EVX2: variants seen among roughly 807,000 people sequenced by gnomAD.
EVX2 encodes even-skipped homeobox 2, also known as homeobox even-skipped homolog protein 2.
Under a neutral mutation model 19.2 loss-of-function variants are expected in EVX2, and 10 were observed. The ratio of observed to expected loss-of-function variants is 0.52; its 90% CI spans 0.32 to 0.89. The LOEUF (loss-of-function observed/expected upper bound fraction) is 0.89. Ranked by LOEUF, EVX2 falls within the 40% of genes least tolerant of loss-of-function variation. EVX2 has a pLI of 0.03. For missense variants in EVX2, 710 were observed against 694.9 expected (o/e 1.02, Z -0.24); for synonymous variants, 354 against 328.4 (o/e 1.08, Z -0.84).
rs925697528 is a variant in EVX2 at position 176,078,942 on chromosome 2, G to C, written c.*1165C>G. 2 of 152,204 alleles carry C rather than the reference G, an allele frequency of 1.3e-5. No individual in the cohort carries two copies. Among genetic ancestry groups the C allele is most frequent in the East Asian group, 3.9e-4 (2 of 5,184 alleles). The allele number at this position is 152,204 out of a possible 1,614,324, so 9.4% of individuals were successfully genotyped here. A position where few individuals can be genotyped will look rare whatever the true frequency, so the allele number is the denominator to read the frequency against. Reference sequence around the variant, plus strand: ...CCTCCAGTAGCCGGGTTGGCAGAGCGGGTCTCAGCAACCCAGCGGTGGCTT... The same window carrying C: ...CCTCCAGTAGCCGGGTTGGCAGAGCCGGTCTCAGCAACCCAGCGGTGGCTT... On this transcript the variant is annotated 3_prime_UTR_variant, in exon 3 of 3. Coordinates refer to ENST00000308618, the MANE Select transcript of EVX2 (RefSeq NM_001080458.2).
In EVX2 at chr2:176,078,846, TA is replaced by T. The variant is rs1016074330; in HGVS notation, c.*1260del. ...ATTTTCGTCATAATCTGCACATTAT[TA>T]GCATCAAACTTGACGTGGCAGTTAA... On this transcript the variant is annotated 3_prime_UTR_variant, in exon 3 of 3. Coordinates refer to ENST00000308618, the MANE Select transcript of EVX2 (RefSeq NM_001080458.2). 2.0e-5 allele frequency: 3 copies of T among 152,186 alleles called. No homozygotes were observed. Among genetic ancestry groups the T allele is most frequent in the Non-Finnish European group, 4.4e-5 (3 of 68,030 alleles). The allele number at this position is 152,186 out of a possible 1,614,324, so 9.4% of individuals were successfully genotyped here.
chr2:176,080,180 T>C lies in EVX2; in HGVS notation c.1358A>G (p.Tyr453Cys), dbSNP rs1373955894. ...CGTCTTACTAAGCACCGCGGCCGAG[T>C]AGGGCAGGAAGCCGCTCTCGGAACG... ...APRSESGFLP[Y>C]SAAVLSKTAV... is the part of the protein sequence containing the mutation. The change falls in exon 3 of 3, where the codon TAC (tyrosine) becomes TGC (cysteine). Residue 453 changes from tyrosine to cysteine, a missense_variant. Coordinates refer to ENST00000308618, the MANE Select transcript of EVX2 (RefSeq NM_001080458.2). The surrounding 1 kb of genome is among the most constrained non-coding windows in gnomAD (Gnocchi z 7.0). 3.3e-6 allele frequency: 5 copies of C among 1,515,074 alleles called. No homozygotes were observed. The East Asian group carries it at 8.3e-5, about 25-fold the overall frequency. The allele number at this position is 1,515,074 out of a possible 1,614,324, so 93.9% of individuals were successfully genotyped here.
In EVX2 at chr2:176,079,874, G is replaced by A. The variant is rs1223777336; in HGVS notation, c.*233C>T. 1.5e-5 allele frequency: 6 copies of A among 400,986 alleles called. No homozygotes were observed. The highest frequency in any genetic ancestry group is 1.4e-4 in the Admixed American group (3 of 21,360). The allele number at this position is 400,986 out of a possible 1,614,324, so 24.8% of individuals were successfully genotyped here. On this transcript the variant is annotated 3_prime_UTR_variant, in exon 3 of 3. Coordinates refer to ENST00000308618, the MANE Select transcript of EVX2 (RefSeq NM_001080458.2). The surrounding 1 kb of genome is among the most constrained non-coding windows in gnomAD (Gnocchi z 4.4). ...CCAGAAAAGAGAGAGAAGGGCAGAC[G>A]GCTGGGTGGCAAATACAAAAATAGA...
chr2:176,083,393 G>C lies in EVX2; in HGVS notation c.384C>G (p.Pro128=), dbSNP rs992807810. The change falls in exon 1 of 3, where the codon CCC becomes CCG. Residue 128 remains proline (P), a synonymous_variant. Coordinates refer to ENST00000308618, the MANE Select transcript of EVX2 (RefSeq NM_001080458.2). This position sits in a 1 kb window ranked among gnomAD's most constrained non-coding sequence, Gnocchi z 4.4. ...TAAGCTGAGCGGCGCCGAGGCCCCC[G>C]GGGGAGCGAAGCGCGGAGCAGCCCA... ...VEVGCSALRS[P]GGLGAAQLKE... 4 of 1,611,362 alleles carry C rather than the reference G, an allele frequency of 2.5e-6. No individual in the cohort carries two copies. In the African/African-American group the frequency reaches 5.3e-5, roughly 22 times the overall value.
chr2:176,080,819 C>T lies in EVX2; in HGVS notation c.719G>A (p.Arg240His). ...CAGGCGCTGCCGCTTGTCCTTCATG[C>T]GCCGGTTCTGGAACCACACCTGCGG... ...TTIKVWFQNR[R>H]MKDKRQRLAM... The change falls in exon 3 of 3, where the codon CGC (arginine) becomes CAC (histidine). Residue 240 changes from arginine (R) to histidine (H), a missense_variant. Physicochemically the swap from Arg to His is conservative, Grantham distance 29. Transcript: ENST00000308618. This position sits in a 1 kb window ranked among gnomAD's most constrained non-coding sequence, Gnocchi z 7.0. The T allele has an allele frequency of 1.2e-6, 2 of 1,611,812 alleles. No individual in the cohort carries two copies. The highest frequency in any genetic ancestry group is 1.8e-4 in the Middle Eastern group (1 of 5,624).
chr2:176,083,902 G>A lies in EVX2; in HGVS notation c.-126C>T. 2 of 868,328 alleles carry A rather than the reference G, an allele frequency of 2.3e-6. No individual in the cohort carries two copies. The highest frequency in any genetic ancestry group is 3.5e-5 in the South Asian group (2 of 57,024). The allele number at this position is 868,328 out of a possible 1,614,324, so 53.8% of individuals were successfully genotyped here. On this transcript the variant is annotated 5_prime_UTR_variant, in exon 1 of 3. Transcript: ENST00000308618. The surrounding 1 kb of genome is among the most constrained non-coding windows in gnomAD (Gnocchi z 4.4). ...ATATTATTATCGCTTTCGGAGGGAG[G>A]CGGAAAAATTGTGGGATGCCAGAGC...
At position 176,082,650 on chromosome 2, in the gene EVX2, A is replaced by G. The variant is rs1689165719; in HGVS notation, c.428-201T>C. ...CTTCATAAGCAAATAATAGAAACGGAATTAGGAGATTTCTTTTTTAATAAT... is the reference window on the plus strand; with the variant it reads ...CTTCATAAGCAAATAATAGAAACGGGATTAGGAGATTTCTTTTTTAATAAT... On this transcript the variant is annotated intron_variant, in intron 1 of 2. Transcript: ENST00000308618. This position sits in a 1 kb window ranked among gnomAD's most constrained non-coding sequence, Gnocchi z 5.2. Among the ~76,000 whole-genome samples the G allele has an allele frequency of 6.6e-6, 1 of 152,276 alleles. No individual in the cohort carries two copies. The highest frequency in any genetic ancestry group is 2.4e-5 in the African/African-American group (1 of 41,560).
Position 176,080,188 on chromosome 2 carries a change from G to A in EVX2, c.1350C>T (p.Phe450=). ...TAAGCACCGCGGCCGAGTAGGGCAG[G>A]AAGCCGCTCTCGGAACGCGGCGCCG... ...SAAAPRSESG[F]LPYSAAVLSK... Residue 450 remains phenylalanine (F), a synonymous_variant, in exon 3 of 3, where the codon TTC becomes TTT. Transcript: ENST00000308618. This position sits in a 1 kb window ranked among gnomAD's most constrained non-coding sequence, Gnocchi z 7.0. 6.7e-7 allele frequency: 1 copy of A among 1,494,482 alleles called. No individual in the cohort carries two copies. The highest frequency in any genetic ancestry group is 1.3e-5 in the South Asian group (1 of 79,038). 92.6% of individuals were successfully genotyped at this position (1,494,482 alleles called of 1,614,324 possible).
chr2:176,080,008 GGCA>G lies in EVX2; in HGVS notation c.*96_*98del. Reference sequence around the variant, plus strand: ...CCCCGGGGCGCCCCCTGGCGGCAGCGGCAGCAGCGGGCAACGCGCGGAGGGCTC... The same window carrying G: ...CCCCGGGGCGCCCCCTGGCGGCAGCGGCAGCGGGCAACGCGCGGAGGGCTC... On this transcript the variant is annotated 3_prime_UTR_variant, in exon 3 of 3. Transcript: ENST00000308618. The surrounding 1 kb of genome is among the most constrained non-coding windows in gnomAD (Gnocchi z 7.0). 1 of 1,265,374 alleles carries G rather than the reference GGCA, an allele frequency of 7.9e-7. No individual in the cohort carries two copies. Among genetic ancestry groups the G allele is most frequent in the East Asian group, 3.1e-5 (1 of 32,572 alleles). 78.4% of individuals were successfully genotyped at this position (1,265,374 alleles called of 1,614,324 possible).
Position 176,080,580 on chromosome 2 carries a change from C to A in EVX2, c.958G>T (p.Asp320Tyr). The change falls in exon 3 of 3, where the codon GAC (aspartate) becomes TAC (tyrosine). Residue 320 changes from aspartate (D) to tyrosine (Y), a missense_variant. Coordinates refer to ENST00000308618, the MANE Select transcript of EVX2 (RefSeq NM_001080458.2). The surrounding 1 kb of genome is among the most constrained non-coding windows in gnomAD (Gnocchi z 7.0). ...SPFATSIRPL[D>Y]TFRALSHPYS... is the part of the protein sequence containing the mutation. ...GGGTGCGAGAGGGCGCGGAAGGTGTCCAGTGGCCGGATGGAAGTAGCGAAG... is the reference window on the plus strand; with the variant it reads ...GGGTGCGAGAGGGCGCGGAAGGTGTACAGTGGCCGGATGGAAGTAGCGAAG... 1.3e-6 allele frequency: 2 copies of A among 1,534,404 alleles called. No individual in the cohort carries two copies. The highest frequency in any genetic ancestry group is 1.7e-6 in the Non-Finnish European group (2 of 1,155,358).
In EVX2 at chr2:176,080,270, C is replaced by T. The variant is rs1196472050; in HGVS notation, c.1268G>A (p.Gly423Asp). 1 of 1,299,970 alleles carries T rather than the reference C, an allele frequency of 7.7e-7. No individual in the cohort carries two copies. The highest frequency in any genetic ancestry group is 9.7e-7 in the Non-Finnish European group (1 of 1,026,470). 80.5% of individuals were successfully genotyped at this position (1,299,970 alleles called of 1,614,324 possible). A position where few individuals can be genotyped will look rare whatever the true frequency, so the allele number is the denominator to read the frequency against. The change falls in exon 3 of 3, where the codon GGC becomes GAC. Residue 423 changes from glycine to aspartate, a missense_variant. Gly to Asp is a moderately conservative substitution (Grantham distance 94, BLOSUM62 -1). Coordinates refer to ENST00000308618, the MANE Select transcript of EVX2 (RefSeq NM_001080458.2). The surrounding 1 kb of genome is among the most constrained non-coding windows in gnomAD (Gnocchi z 7.0). ...GGGGGGGGGG[G>D]GGGGGAGAGG... is the part of the protein sequence containing the mutation. ...GGCCCCGGCGCCCCCGCCGCCGCCG[C>T]CACCACCACCACCGCCGCCGCCACC...
chr2:176,082,259 C>A lies in EVX2; in HGVS notation c.618G>T (p.Glu206Asp), dbSNP rs1444177701. The A allele has an allele frequency of 1.9e-6, 3 of 1,603,542 alleles. No homozygotes were observed. Among genetic ancestry groups the A allele is most frequent in the Non-Finnish European group, 2.5e-6 (3 of 1,179,162 alleles). Residue 206 changes from glutamate to aspartate, a missense_variant, in exon 2 of 3, where the codon GAG (glutamate) becomes GAT (aspartate). By Grantham distance (45) the Glu-to-Asp change is conservative. Coordinates refer to ENST00000308618, the MANE Select transcript of EVX2 (RefSeq NM_001080458.2). The surrounding 1 kb of genome is among the most constrained non-coding windows in gnomAD (Gnocchi z 5.2). ...TREQIARLEK[E>D]FYRENYVSRP... ...GCGACACATAGTTCTCCCGGTAGAA[C>A]TCCTTCTCCAGGCGCGCGATCTGCT...
At position 176,080,545 on chromosome 2, in the gene EVX2, C is replaced by T; in HGVS notation, c.993G>A (p.Arg331=). 2 of 1,514,648 alleles carry T rather than the reference C, an allele frequency of 1.3e-6. No individual in the cohort carries two copies. The highest frequency in any genetic ancestry group is 2.2e-5 in the Admixed American group (1 of 44,586). 93.8% of individuals were successfully genotyped at this position (1,514,648 alleles called of 1,614,324 possible). Residue 331 remains arginine, a synonymous_variant, in exon 3 of 3, where the codon CGG becomes CGA. Coordinates refer to ENST00000308618, the MANE Select transcript of EVX2 (RefSeq NM_001080458.2). The surrounding 1 kb of genome is among the most constrained non-coding windows in gnomAD (Gnocchi z 7.0). ...TFRALSHPYS[R]PELLCSFRHP... Reference sequence around the variant, plus strand: ...GGCGGAAGCTACACAGCAGCTCCGGCCGAGAGTAGGGGTGCGAGAGGGCGC... The same window carrying T: ...GGCGGAAGCTACACAGCAGCTCCGGTCGAGAGTAGGGGTGCGAGAGGGCGC...
Position 176,083,257 on chromosome 2 carries a change from T to G in EVX2, c.427+93A>C. The G allele has an allele frequency of 4.4e-6, 6 of 1,349,734 alleles. No individual in the cohort carries two copies. In the South Asian group the frequency reaches 8.5e-5, roughly 19 times the overall value. 83.6% of individuals were successfully genotyped at this position (1,349,734 alleles called of 1,614,324 possible). A position where few individuals can be genotyped will look rare whatever the true frequency, so the allele number is the denominator to read the frequency against. ...CGGTGTAGCTTGCCTGTGGAGGGTC[T>G]GAGAGGGGAAAAGGCACCGGGAAAG... is the stretch of plus-strand genomic sequence containing the variant. On this transcript the variant is annotated intron_variant, in intron 1 of 2. Transcript: ENST00000308618. This position sits in a 1 kb window ranked among gnomAD's most constrained non-coding sequence, Gnocchi z 4.4.
rs975430273 is a variant in EVX2, at chr2:176,082,962, C to A, written c.427+388G>T. On this transcript the variant is annotated intron_variant, in intron 1 of 2. Coordinates refer to ENST00000308618, the MANE Select transcript of EVX2 (RefSeq NM_001080458.2). This position sits in a 1 kb window ranked among gnomAD's most constrained non-coding sequence, Gnocchi z 5.2. ...TCCTCCGACTTACCCAGAAGAATGC[C>A]CCCTCCAGCCCTGAGGGCACAGGGG... is the stretch of plus-strand genomic sequence containing the variant. 6.6e-6 allele frequency among the ~76,000 whole-genome samples: 1 copy of A among 152,348 alleles called. No homozygotes were observed. The highest frequency in any genetic ancestry group is 2.1e-4 in the South Asian group (1 of 4,828).
chr2:176,079,686 A>T lies in EVX2; in HGVS notation c.*421T>A, dbSNP rs910127721. On this transcript the variant is annotated 3_prime_UTR_variant, in exon 3 of 3. Coordinates refer to ENST00000308618, the MANE Select transcript of EVX2 (RefSeq NM_001080458.2). The surrounding 1 kb of genome is among the most constrained non-coding windows in gnomAD (Gnocchi z 4.4). The stretch of plus-strand genomic sequence containing the variant: ...CCGCCCCCAAGCACCAGCGCACAGC[A>T]TCCCCCTCTGTCTTTGTTGTGGTTC... 6.4e-5 allele frequency: 10 copies of T among 156,484 alleles called. No individual in the cohort carries two copies. The highest frequency in any genetic ancestry group is 2.4e-4 in the African/African-American group (10 of 41,542). 9.7% of individuals were successfully genotyped at this position (156,484 alleles called of 1,614,324 possible). A position where few individuals can be genotyped will look rare whatever the true frequency, so the allele number is the denominator to read the frequency against.
At position 176,080,322 on chromosome 2, in the gene EVX2, C is replaced by A; in HGVS notation, c.1216G>T (p.Ala406Ser). The A allele has an allele frequency of 7.7e-7, 1 of 1,301,290 alleles. No homozygotes were observed. Among genetic ancestry groups the A allele is most frequent in the South Asian group, 1.8e-5 (1 of 54,280 alleles). 80.6% of individuals were successfully genotyped at this position (1,301,290 alleles called of 1,614,324 possible). A position where few individuals can be genotyped will look rare whatever the true frequency, so the allele number is the denominator to read the frequency against. ...QSAAAAAAAA[A>S]AALGSRGGGG... ...CCACCCCGGGAACCCAGGGCTGCGG[C>A]AGCTGCTGCCGCGGCTGCCGCCGCC... is the stretch of plus-strand genomic sequence containing the variant. The change falls in exon 3 of 3, where the codon GCC becomes TCC. Residue 406 changes from alanine (A) to serine (S), a missense_variant. Coordinates refer to ENST00000308618, the MANE Select transcript of EVX2 (RefSeq NM_001080458.2). The surrounding 1 kb of genome is among the most constrained non-coding windows in gnomAD (Gnocchi z 7.0).
Position 176,082,267 on chromosome 2 carries a change from C to G in EVX2, c.610G>C (p.Glu204Gln). Reference sequence around the variant, plus strand: ...TAGTTCTCCCGGTAGAACTCCTTCTCCAGGCGCGCGATCTGCTCGCGGGTG... The same window carrying G: ...TAGTTCTCCCGGTAGAACTCCTTCTGCAGGCGCGCGATCTGCTCGCGGGTG... ...AFTREQIARL[E>Q]KEFYRENYVS... The change falls in exon 2 of 3, where the codon GAG becomes CAG. Residue 204 changes from glutamate to glutamine, a missense_variant. Coordinates refer to ENST00000308618, the MANE Select transcript of EVX2 (RefSeq NM_001080458.2). This position sits in a 1 kb window ranked among gnomAD's most constrained non-coding sequence, Gnocchi z 5.2. 8.1e-6 allele frequency: 13 copies of G among 1,603,096 alleles called. No homozygotes were observed. Among genetic ancestry groups the G allele is most frequent in the Non-Finnish European group, 1.1e-5 (13 of 1,179,022 alleles).
Position 176,081,166 on chromosome 2 carries a change from G to A in EVX2, c.700-328C>T, listed in dbSNP as rs1328850836. ...CTCCCTCCCGCCACCCACCAGTGCCGGTCTCGCTGAGCACCCGTCTCTCAA... is the reference window on the plus strand; with the variant it reads ...CTCCCTCCCGCCACCCACCAGTGCCAGTCTCGCTGAGCACCCGTCTCTCAA... On this transcript the variant is annotated intron_variant, in intron 2 of 2. Transcript: ENST00000308618. The surrounding 1 kb of genome is among the most constrained non-coding windows in gnomAD (Gnocchi z 5.9). Among the ~76,000 whole-genome samples, 3 of 152,074 alleles carry A rather than the reference G, an allele frequency of 2.0e-5. No individual in the cohort carries two copies. The highest frequency in any genetic ancestry group is 4.8e-5 in the African/African-American group (2 of 41,420).
Sources: allele counts gnomAD v4.1 joint callset (sites outside exome capture counted in the v4.1 genomes callset), GRCh38; gene constraint gnomAD v4.1.1; non-coding constraint Gnocchi (gnomAD v3.1); transcripts MANE v1.5; gene names NCBI Gene and HGNC (gene_info 2026-07-23, HGNC 2026-07-21).